STAU2: variants seen among roughly 807,000 people sequenced by gnomAD.
STAU2 encodes the protein staufen double-stranded RNA binding protein 2.
Under a neutral mutation model 65.9 loss-of-function variants are expected in STAU2, and 20 were observed. The ratio of observed to expected loss-of-function variants is 0.30; its 90% CI spans 0.21 to 0.44. STAU2 has a LOEUF of 0.44. STAU2 is among the 20% of genes least tolerant of loss of function. STAU2 has a pLI of 1.00. For missense variants in STAU2, 558 were observed against 683.9 expected (o/e 0.82, Z 2.05); for synonymous variants, 232 against 233.9 (o/e 0.99, Z 0.07).
Position 73,746,773 on chromosome 8 carries a change from G to T in STAU2, c.-197+10C>A, listed in dbSNP as rs1376037809. On this transcript the variant is annotated intron_variant, in intron 1 of 14. Coordinates refer to ENST00000524300, the MANE Select transcript of STAU2 (RefSeq NM_001164380.2). ...GGGGTCTCCCGGACGCCCCCGATGA[G>T]GGTATTTACCTTCTTGCCGGGGACA... is the stretch of plus-strand genomic sequence containing the variant. The T allele has an allele frequency of 1.6e-6, 2 of 1,228,714 alleles. No individual in the cohort carries two copies. Among genetic ancestry groups the T allele is most frequent in the Non-Finnish European group, 2.0e-6 (2 of 983,968 alleles). 76.1% of individuals were successfully genotyped at this position (1,228,714 alleles called of 1,614,324 possible).
At chr8:73,519,306 G>C (rs1467415602) in intron 13 of STAU2, among the ~76,000 whole-genome samples, 3 of 152,148 alleles carry the variant, frequency 2.0e-5, no homozygotes, top group Non-Finnish European at 4.4e-5. Context: ...TAATAAAAAA[G>C]TTCGTCTTGG....
At chr8:73,467,400 C>T (rs950558975) in intron 13 of STAU2, among the ~76,000 whole-genome samples, 84 of 152,162 alleles carry the variant, frequency 5.5e-4, no homozygotes, top group African/African-American at 2.0e-3. Flanking sequence ...GGCATGGTGG[C>T]GGGCGCCTGT....
intron 5 of STAU2, among the ~76,000 whole-genome samples, chr8:73,678,229 A>G (rs546554876): frequency 3.9e-5 from 6 of 152,166 alleles, no homozygotes; most frequent in Non-Finnish European, 7.4e-5. Flanking sequence ...CTGCTCATGA[A>G]TATTAATTCC....
At chr8:73,612,734 G>T (rs190648651) in intron 9 of STAU2, among the ~76,000 whole-genome samples, 164 of 152,208 alleles carry the variant, frequency 1.1e-3, no homozygotes, top group African/African-American at 3.8e-3. Flanking sequence ...TACCTAAATT[G>T]TGCCATTGTG....
Position 73,612,562 on chromosome 8 carries a change from A to AC in STAU2, c.891+1181dup, listed in dbSNP as rs1812554169. On this transcript the variant is annotated intron_variant, in intron 9 of 14. Transcript: ENST00000524300. ...TTTGTATTTATTTTTAGTCTACCTT[A>AC]CATATAACATATAATTCCAGTTCAG... is the stretch of plus-strand genomic sequence containing the variant. Among the ~76,000 whole-genome samples the AC allele has an allele frequency of 2.0e-5, 3 of 152,302 alleles. No homozygotes were observed. In the South Asian group the frequency reaches 6.2e-4, roughly 32 times the overall value.
In STAU2 at chr8:73,682,915, G is replaced by A. The variant is rs181381980; in HGVS notation, c.274+5739C>T. Among the ~76,000 whole-genome samples the A allele has an allele frequency of 1.1e-3, 161 of 152,158 alleles. 1 individual carries two copies. Among genetic ancestry groups the A allele is most frequent in the African/African-American group, 3.6e-3 (151 of 41,540 alleles). ...ATACAACCCTTCTAGGTTAAACCAG[G>A]AAGAAACAGAAACTCTGAACTGACC... On this transcript the variant is annotated intron_variant, in intron 5 of 14. Coordinates refer to ENST00000524300, the MANE Select transcript of STAU2 (RefSeq NM_001164380.2).
chr8:73,595,579 T>G (rs921673156), intron 10 of STAU2, among the ~76,000 whole-genome samples: 1 of 152,150 alleles, frequency 6.6e-6, no homozygotes, highest in Admixed American at 6.6e-5. Flanking sequence ...ACACTAAATT[T>G]ATATTATTTA....
chr8:73,682,041 T>A (rs570236955), intron 5 of STAU2, among the ~76,000 whole-genome samples: 2 of 152,216 alleles, frequency 1.3e-5, no homozygotes, highest in African/African-American at 4.8e-5. Context: ...GGGACTTCAA[T>A]ATTCCACTGA....
At chr8:73,731,956 A>T (rs1806101472) in intron 3 of STAU2, among the ~76,000 whole-genome samples, 1 of 152,190 alleles carries the variant, frequency 6.6e-6, no homozygotes, top group Admixed American at 6.5e-5. Context: ...GCTAAAAAAA[A>T]TTTAAAAACA....
chr8:73,655,865 G>A (rs1255590402), intron 6 of STAU2, among the ~76,000 whole-genome samples: 2 of 151,882 alleles, frequency 1.3e-5, no homozygotes, highest in Admixed American at 6.5e-5. Flanking sequence ...AGCCAGGATA[G>A]TCTCAATCTC....
chr8:73,638,652 C>T (rs1326332211), intron 6 of STAU2, among the ~76,000 whole-genome samples: 1 of 151,866 alleles, frequency 6.6e-6, no homozygotes, highest in Non-Finnish European at 1.5e-5. Flanking sequence ...CCATGCTTAC[C>T]TGTTTTTAAA....
chr8:73,544,165 T>C (rs560370101), intron 13 of STAU2, among the ~76,000 whole-genome samples: 3 of 152,306 alleles, frequency 2.0e-5, no homozygotes, highest in South Asian at 4.1e-4. Context: ...GCATCCTCTC[T>C]GAAGTCAGCA....
chr8:73,470,959 TC>T (rs948229966), intron 13 of STAU2, among the ~76,000 whole-genome samples: 1 of 152,112 alleles, frequency 6.6e-6, no homozygotes, highest in African/African-American at 2.4e-5. Flanking sequence ...TTTCAGGGTC[TC>T]CCTTTTTCAT....
Position 73,605,880 on chromosome 8 carries a change from C to CACACACAT in STAU2, c.892-2018_892-2017insATGTGTGT, listed in dbSNP as rs1811992435. The stretch of plus-strand genomic sequence containing the variant: ...ACACACACACACACACACACACATA[C>CACACACAT]ACACACACACACACACACACACACA... On this transcript the variant is annotated intron_variant, in intron 9 of 14. Coordinates refer to ENST00000524300, the MANE Select transcript of STAU2 (RefSeq NM_001164380.2). 1.0e-3 allele frequency among the ~76,000 whole-genome samples: 5 copies of CACACACAT among 4,908 alleles called. No individual in the cohort carries two copies. In the South Asian group the frequency reaches 0.019, roughly 18 times the overall value. The allele number at this position is 4,908 out of a possible 152,430, so 3.2% of individuals were successfully genotyped here.
Position 73,622,131 on chromosome 8 carries a change from T to G in STAU2, c.411-4680A>C, listed in dbSNP as rs865976239. On this transcript the variant is annotated intron_variant, in intron 6 of 14. Coordinates refer to ENST00000524300, the MANE Select transcript of STAU2 (RefSeq NM_001164380.2). ...GCCACCATGCCCAGCTAATTTTTTT[T>G]TTTTTTTTTTTTTTGAGACGGAGTC... Among the ~76,000 whole-genome samples the G allele has an allele frequency of 9.8e-3, 496 of 50,604 alleles. 25 individuals are homozygous for G. The highest frequency in any genetic ancestry group is 0.025 in the East Asian group (27 of 1,072). 33.2% of individuals were successfully genotyped at this position (50,604 alleles called of 152,430 possible).
intron 1 of STAU2, 116 bp downstream of exon 1, chr8:73,746,667 G>T: frequency 1.7e-6 from 1 of 590,500 alleles, no homozygotes; most frequent in Non-Finnish European, 2.4e-6. Flanking sequence ...GAAGGGGGCT[G>T]CTTTTCTCCG....
chr8:73,586,199 A>T (rs1337213605), intron 11 of STAU2, among the ~76,000 whole-genome samples: 1 of 152,176 alleles, frequency 6.6e-6, no homozygotes, highest in Non-Finnish European at 1.5e-5. Context: ...CTGAAACCTA[A>T]CCTGCAGAGG....
At chr8:73,422,140 T>C (rs1054388394) in intron 14 of STAU2, among the ~76,000 whole-genome samples, 16 of 152,292 alleles carry the variant, frequency 1.1e-4, no homozygotes, top group African/African-American at 3.4e-4. Flanking sequence ...CAATGTGTGC[T>C]GGTGTTTCAT....
intron 13 of STAU2, among the ~76,000 whole-genome samples, chr8:73,438,381 ACAC>A (rs1437210227): frequency 2.6e-5 from 4 of 152,158 alleles, no homozygotes; most frequent in African/African-American, 7.2e-5. Flanking sequence ...TACAGCAATG[ACAC>A]CAAGAGGTGG....
Sources: allele counts gnomAD v4.1 joint callset (sites outside exome capture counted in the v4.1 genomes callset), GRCh38; gene constraint gnomAD v4.1.1; transcripts MANE v1.5; gene names NCBI Gene and HGNC (gene_info 2026-07-23, HGNC 2026-07-21).